The following PPM1B variants were observed in gnomAD, a reference collection of about 807,000 sequenced individuals.
PPM1B encodes protein phosphatase, Mg2+/Mn2+ dependent 1B.
Under a neutral mutation model 43.0 loss-of-function variants are expected in PPM1B, and 22 were observed. That is an observed-to-expected ratio of 0.51 (90% CI 0.37 to 0.73). PPM1B has a LOEUF of 0.73. Among genes scored for constraint, PPM1B ranks in the 30% least tolerant of loss-of-function variants. The pLI is 0.00. For missense variants in PPM1B, 632 were observed against 584.2 expected (o/e 1.08, Z -0.84); for synonymous variants, 217 against 197.9 (o/e 1.10, Z -0.81).
At chr2:44,169,412 C>T (rs1250962729) in intron 1 of PPM1B, 138 bp downstream of exon 1, 1 of 152,394 alleles carries the variant, frequency 6.6e-6, no homozygotes, top group Non-Finnish European at 1.5e-5. Flanking sequence ...CGCTGCTTTC[C>T]CTGCTGCCGC....
chr2:44,181,496 T>C (rs1353491591), intron 1 of PPM1B, among the ~76,000 whole-genome samples: 2 of 152,156 alleles, frequency 1.3e-5, no homozygotes, highest in Non-Finnish European at 2.9e-5. Context: ...GGGGTTGAAG[T>C]CAGGGAGATC....
intron 5 of PPM1B, chr2:44,230,093 T>C (rs1670403396): frequency 1.3e-6 from 2 of 1,514,508 alleles, no homozygotes; most frequent in East Asian, 2.4e-5. Flanking sequence ...TAGCCAAATA[T>C]TGTTTAAGTA....
intron 1 of PPM1B, among the ~76,000 whole-genome samples, chr2:44,175,090 C>G (rs977134779): frequency 6.6e-6 from 1 of 152,104 alleles, no homozygotes; most frequent in African/African-American, 2.4e-5. Context: ...CCCATCTCTA[C>G]TAAAATACAG....
intron 5 of PPM1B, among the ~76,000 whole-genome samples, chr2:44,227,844 A>C (rs1455604826): frequency 6.6e-6 from 1 of 150,998 alleles, no homozygotes. Flanking sequence ...TTTTGCCATG[A>C]GGATACTTCC....
At chr2:44,177,365 TTC>T (rs1667627791) in intron 1 of PPM1B, among the ~76,000 whole-genome samples, 1 of 152,094 alleles carries the variant, frequency 6.6e-6, no homozygotes, top group African/African-American at 2.4e-5. Flanking sequence ...TTGAGTTTGT[TTC>T]TATTCATCTG....
intron 5 of PPM1B, among the ~76,000 whole-genome samples, chr2:44,223,550 C>G (rs1032631701): frequency 2.6e-5 from 4 of 151,964 alleles, no homozygotes; most frequent in Admixed American, 6.6e-5. Context: ...TGGCTCATGC[C>G]TGTAATGCCA....
intron 1 of PPM1B, among the ~76,000 whole-genome samples, chr2:44,181,220 A>G (rs1667859794): frequency 6.6e-6 from 1 of 152,160 alleles, no homozygotes; most frequent in Admixed American, 6.5e-5. Flanking sequence ...AAGTGCTGGG[A>G]TTACAGGCAT....
chr2:44,218,227 C>G (rs929858882), intron 4 of PPM1B, 149 bp downstream of exon 4: 3 of 695,216 alleles, frequency 4.3e-6, no homozygotes, highest in Admixed American at 6.1e-5. Context: ...CTTAAAACTT[C>G]AACCAAAAAC....
intron 1 of PPM1B, among the ~76,000 whole-genome samples, chr2:44,179,990 C>T (rs1667786028): frequency 8.5e-6 from 1 of 117,180 alleles, no homozygotes; most frequent in Non-Finnish European, 1.7e-5. Flanking sequence ...GCCTGGGCAA[C>T]AAGAGCGAAA....
At chr2:44,188,303 AAAG>A (rs528345020) in intron 1 of PPM1B, among the ~76,000 whole-genome samples, 15 of 152,254 alleles carry the variant, frequency 9.9e-5, no homozygotes, top group Middle Eastern at 3.4e-3. Flanking sequence ...TTCTGATTTA[AAAG>A]AAGAAGTCTT....
At chr2:44,188,860 G>C (rs1284797397) in intron 1 of PPM1B, among the ~76,000 whole-genome samples, 1 of 145,046 alleles carries the variant, frequency 6.9e-6, no homozygotes, top group Non-Finnish European at 1.5e-5. Context: ...TCTTTTACTG[G>C]GATCACATAG....
At chr2:44,244,381 T>C in exon 6 of PPM1B, 1 of 1,348,034 alleles carries the variant, frequency 7.4e-7, no homozygotes, top group Non-Finnish European at 9.9e-7. Flanking sequence ...ATTATATAAT[T>C]ATAGTATTTG....
intron 3 of PPM1B, among the ~76,000 whole-genome samples, chr2:44,212,946 G>A (rs1336873608): frequency 2.0e-5 from 3 of 150,508 alleles, no homozygotes; most frequent in Non-Finnish European, 2.9e-5. Context: ...CTGGGAGGTG[G>A]AGCTTGCAGT....
intron 3 of PPM1B, among the ~76,000 whole-genome samples, chr2:44,211,742 C>CTTTTTTTTTTT (rs55716263): frequency 1.3e-5 from 1 of 78,614 alleles, no homozygotes; most frequent in African/African-American, 5.0e-5. Context: ...CTGATTCTGT[C>CTTTTTTTTTTT]TTTTTTTTTT....
At chr2:44,210,813 T>G (rs1390776136) in intron 3 of PPM1B, among the ~76,000 whole-genome samples, 1 of 152,096 alleles carries the variant, frequency 6.6e-6, no homozygotes, top group African/African-American at 2.4e-5. Flanking sequence ...GAAGATTACA[T>G]GACACTACAT....
downstream of PPM1B, chr2:44,232,590 T>TAG: frequency 5.3e-6 from 7 of 1,313,546 alleles, no homozygotes; most frequent in Non-Finnish European, 6.8e-6. Context: ...ACATCTGTAT[T>TAG]GAACTTTCGG....
rs1331666752 is a variant in PPM1B at position 44,197,247 on chromosome 2, G to C, written c.-14-3939G>C. On this transcript the variant is annotated intron_variant, in intron 1 of 5. Transcript: ENST00000282412. ...GAGATCTCCCACCCCAGCCTCCTGA[G>C]TAACCCAGGCTACAGCCGTGCGCCA... Among the ~76,000 whole-genome samples, 3 of 152,082 alleles carry C rather than the reference G, an allele frequency of 2.0e-5. No homozygotes were observed. In the East Asian group the frequency reaches 5.8e-4, roughly 29 times the overall value.
chr2:44,239,378 A>T (rs1386900334), downstream of PPM1B, among the ~76,000 whole-genome samples: 2 of 151,706 alleles, frequency 1.3e-5, no homozygotes, highest in African/African-American at 4.8e-5. Context: ...GTCTTTTTCT[A>T]TATAGTCTAG....
At chr2:44,181,285 G>A (rs758805779) in intron 1 of PPM1B, among the ~76,000 whole-genome samples, 10 of 152,058 alleles carry the variant, frequency 6.6e-5, no homozygotes, top group Non-Finnish European at 1.2e-4. Flanking sequence ...TGAAGGATTT[G>A]GCTAGCTAAA....
Sources: allele counts gnomAD v4.1 joint callset (sites outside exome capture counted in the v4.1 genomes callset), GRCh38; gene constraint gnomAD v4.1.1; transcripts MANE v1.5; gene names NCBI Gene and HGNC (gene_info 2026-07-23, HGNC 2026-07-21).